The following MEAK7 variants were observed in gnomAD, a reference collection of about 807,000 sequenced individuals.
MEAK7 encodes MTOR-associated protein MEAK7.
A neutral mutation model predicts 40.5 loss-of-function variants in MEAK7; 68 were observed. That is an observed-to-expected ratio of 1.68 (90% confidence interval 1.38 to 2.06). The LOEUF is 2.06. Among genes scored for constraint, MEAK7 ranks in the 30% most tolerant of loss-of-function variants. The pLI, the probability that MEAK7 is intolerant of heterozygous loss-of-function variation, is 0.00. For missense variants in MEAK7, 918 were observed against 580.5 expected (o/e 1.58, Z -5.98); for synonymous variants, 338 against 231.9 (o/e 1.46, Z -4.16).
rs200290703 is a variant in MEAK7 at position 84,489,390 on chromosome 16, G to A, written c.417C>T (p.His139=). 14 of 1,613,526 alleles carry A rather than the reference G, an allele frequency of 8.7e-6. No homozygotes were observed. Among genetic ancestry groups the A allele is most frequent in the Middle Eastern group, 1.6e-4 (1 of 6,080 alleles). The part of the protein sequence containing the change: ...FTEDLVGSVV[H]VLSHRQELRG... ...TCAGCTCCTGTCTGTGGCTTAGCAC[G>A]TGCACCACAGAGCCAACCAGATCCT... The change falls in exon 4 of 8, where the codon CAC becomes CAT. Residue 139 remains histidine (H), a synonymous_variant. Transcript: ENST00000343629.
intron 4 of MEAK7, 120 bp downstream of exon 4, chr16:84,489,158 A>C: frequency 2.3e-6 from 3 of 1,297,834 alleles, no homozygotes; most frequent in Non-Finnish European, 3.0e-6. Flanking sequence ...AAAACCTAGA[A>C]GAAGGTTCGA....
chr16:84,492,925 G>A (rs1367472571), intron 3 of MEAK7, among the ~76,000 whole-genome samples: 4 of 152,196 alleles, frequency 2.6e-5, no homozygotes, highest in African/African-American at 4.8e-5. Context: ...AAACTTTCCA[G>A]AATCAAATTC....
chr16:84,487,902 G>C (rs1913235573), intron 4 of MEAK7: 1 of 152,188 alleles, frequency 6.6e-6, no homozygotes, highest in South Asian at 2.1e-4. Flanking sequence ...AGGAACAGAG[G>C]AGCTTTTACG....
intron 3 of MEAK7, among the ~76,000 whole-genome samples, chr16:84,492,163 G>C (rs760150113): frequency 6.6e-6 from 1 of 152,172 alleles, no homozygotes; most frequent in Admixed American, 6.5e-5. Context: ...GGCCGATTTT[G>C]AGAGAGAAAA....
rs550609758 is a variant in MEAK7, at chr16:84,482,096, G to A, written c.1077+496C>T. The stretch of plus-strand genomic sequence containing the variant: ...CCACCCACTCCCTGCACCCGGCCTA[G>A]GCCTCCCCCGCTTCCCCCTGCTTCC... On this transcript the variant is annotated intron_variant, in intron 6 of 7. Coordinates refer to ENST00000343629, the MANE Select transcript of MEAK7 (RefSeq NM_020947.4). Among the ~76,000 whole-genome samples the A allele has an allele frequency of 3.3e-5, 5 of 152,210 alleles. No homozygotes were observed. In the South Asian group the frequency reaches 8.3e-4, roughly 25 times the overall value.
At chr16:84,485,445 C>G (rs1912949117) in intron 5 of MEAK7, among the ~76,000 whole-genome samples, 1 of 152,194 alleles carries the variant, frequency 6.6e-6, no homozygotes, top group Non-Finnish European at 1.5e-5. Context: ...AAGGGCAACT[C>G]CACCTGGACA....
At chr16:84,487,536 G>A (rs902765291) in intron 4 of MEAK7, 65 of 157,560 alleles carry the variant, frequency 4.1e-4, no homozygotes, top group Non-Finnish European at 1.1e-4. Context: ...ACCTGGAGCC[G>A]CTCATCCAAG....
At chr16:84,500,615 C>A (rs1914418992) in intron 1 of MEAK7, among the ~76,000 whole-genome samples, 1 of 152,214 alleles carries the variant, frequency 6.6e-6, no homozygotes, top group South Asian at 2.1e-4. Flanking sequence ...GCTTACCCGA[C>A]CCCGTTTGGG....
intron 5 of MEAK7, chr16:84,486,270 TG>T (rs141362605): frequency 0.41 from 94,168 of 229,728 alleles, 20,466 homozygotes; most frequent in South Asian, 0.55. Flanking sequence ...CGCGTGGCGG[TG>T]GGGGCAGGGG....
chr16:84,494,719 G>C (rs1913900775), intron 3 of MEAK7: 4 of 409,998 alleles, frequency 9.8e-6, no homozygotes, highest in Non-Finnish European at 1.4e-5. Flanking sequence ...TGGTAAAAAT[G>C]AGCTTACCTA....
At chr16:84,497,742 G>A (rs1914171643) in intron 2 of MEAK7, 192 bp downstream of exon 2, 1 of 1,338,672 alleles carries the variant, frequency 7.5e-7, no homozygotes, top group African/African-American at 1.5e-5. Flanking sequence ...CGGCAGAGCA[G>A]AGGAGCTACA....
At chr16:84,493,068 C>A (rs1473045792) in intron 3 of MEAK7, among the ~76,000 whole-genome samples, 3 of 152,104 alleles carry the variant, frequency 2.0e-5, no homozygotes, top group Admixed American at 6.5e-5. Flanking sequence ...GGTGTTTAAC[C>A]ATCTTTGGAC....
intron 5 of MEAK7, chr16:84,486,398 A>T (rs1913058221): frequency 7.7e-7 from 1 of 1,306,930 alleles, no homozygotes; most frequent in African/African-American, 1.5e-5. Flanking sequence ...ACCGTGTAAT[A>T]ACTGGGCCCG....
At chr16:84,503,337 C>T (rs541786604) in intron 1 of MEAK7, among the ~76,000 whole-genome samples, 2 of 152,282 alleles carry the variant, frequency 1.3e-5, no homozygotes, top group African/African-American at 4.8e-5. Context: ...CCCTGGCCTG[C>T]CTTCAGTAAC....
In MEAK7 at chr16:84,482,664, C is replaced by T. The variant is rs1483227567; in HGVS notation, c.1005G>A (p.Val335=). Residue 335 remains valine (V), a synonymous_variant, in exon 6 of 8, where the codon GTG becomes GTA. Coordinates refer to ENST00000343629, the MANE Select transcript of MEAK7 (RefSeq NM_020947.4). ...FLFSICPSMA[V]YTHTGYNDHY... is the part of the protein sequence containing the mutation. ...GGTCGTTGTAGCCCGTGTGTGTGTA[C>T]ACAGCCATGCTGGGGCAGATGGAGA... 3 of 1,614,222 alleles carry T rather than the reference C, an allele frequency of 1.9e-6. No homozygotes were observed. The highest frequency in any genetic ancestry group is 2.2e-5 in the East Asian group (1 of 44,888).
rs758324522 is a variant in MEAK7 at position 84,495,752 on chromosome 16, C to T, written c.315G>A (p.Glu105=). Residue 105 remains glutamate (E), a synonymous_variant, in exon 3 of 8, where the codon GAG becomes GAA. Coordinates refer to ENST00000343629, the MANE Select transcript of MEAK7 (RefSeq NM_020947.4). ...TCATTTTCATAATCATGAGACTCTT[C>T]TCCTCGGAGTTTCCTTTCAACAGGT... ...MSHLLKGNSE[E]KSLMIMKMIS... is the part of the protein sequence containing the mutation. 3.7e-6 allele frequency: 6 copies of T among 1,607,372 alleles called. No individual in the cohort carries two copies. Among genetic ancestry groups the T allele is most frequent in the Admixed American group, 3.4e-5 (2 of 59,676 alleles).
rs1913350284 is a variant in MEAK7 at position 84,489,222 on chromosome 16, C to T, written c.529+56G>A. ...TACTACACAGCTACAGTAATGGAGA[C>T]AGCAGGTACCGCTCTACAGCAAAAG... On this transcript the variant is annotated intron_variant, in intron 4 of 7. Transcript: ENST00000343629. 5 of 1,587,616 alleles carry T rather than the reference C, an allele frequency of 3.1e-6. No individual in the cohort carries two copies. The African/African-American group carries it at 4.0e-5, about 13-fold the overall frequency.
chr16:84,504,022 CAG>C (rs1914700312), intron 1 of MEAK7: 1 of 985,516 alleles, frequency 1.0e-6, no homozygotes, highest in Non-Finnish European at 1.2e-6. Context: ...GTCTGTGTCT[CAG>C]AGCCCAGAGG....
chr16:84,484,187 G>T (rs922390053), intron 5 of MEAK7, among the ~76,000 whole-genome samples: 1 of 152,196 alleles, frequency 6.6e-6, no homozygotes, highest in Non-Finnish European at 1.5e-5. Context: ...CACCCCCAAG[G>T]GCTGTTCTCC....
Sources: gnomAD v4.1 joint callset for allele counts (sites outside exome capture counted in the v4.1 genomes callset) on GRCh38, gnomAD v4.1.1 for gene constraint, MANE v1.5 for transcripts, NCBI Gene and HGNC (gene_info 2026-07-23, HGNC 2026-07-21) for gene names.